Variants in CDKAL1 observed in about 807,000 individuals in gnomAD.
CDKAL1 encodes CDKAL1 threonylcarbamoyladenosine tRNA methylthiotransferase.
CDKAL1 carries 32 observed loss-of-function variants against 68.2 expected under a neutral mutation model. That is an observed-to-expected ratio of 0.47 (90% CI 0.35 to 0.63). The LOEUF (loss-of-function observed/expected upper bound fraction) is 0.63, where lower values mean the gene tolerates loss of function less well. CDKAL1 is among the 30% of genes least tolerant of loss of function. CDKAL1 has a pLI of 0.00. For synonymous variants in CDKAL1, 234 were observed against 244.3 expected, an observed-to-expected ratio of 0.96 and a Z score of 0.39; for missense variants, 606 against 696.7, an observed-to-expected ratio of 0.87 and a Z score of 1.47.
Position 20,795,347 on chromosome 6 carries a change from A to G in CDKAL1, c.638+14082A>G, listed in dbSNP as rs1192566079. Among the ~76,000 whole-genome samples, 3 of 152,196 alleles carry G rather than the reference A, an allele frequency of 2.0e-5. No individual in the cohort carries two copies. In the East Asian group the frequency reaches 5.8e-4, roughly 29 times the overall value. On this transcript the variant is annotated intron_variant, in intron 8 of 15. Coordinates refer to ENST00000274695, the MANE Select transcript of CDKAL1 (RefSeq NM_017774.3). ...AGCCTTTCTCAGTTCATGTTTTCTG[A>G]GAGAATTAAGCCTAAACATATGTGA...
At chr6:21,197,821 A>G (rs887820472) in intron 13 of CDKAL1, among the ~76,000 whole-genome samples, 200 bp from the exon 14 acceptor site, 2 of 152,268 alleles carry the variant, frequency 1.3e-5, no homozygotes, top group Admixed American at 6.5e-5. Context: ...ATGTTGCCAG[A>G]TAATTAATGT....
At chr6:20,642,295 A>C (rs1290537562) in intron 4 of CDKAL1, among the ~76,000 whole-genome samples, 2 of 152,122 alleles carry the variant, frequency 1.3e-5, no homozygotes, top group Non-Finnish European at 2.9e-5. Flanking sequence ...AAGTATGAAG[A>C]AACGATAAAA....
chr6:20,579,818 T>C (rs2127687804), intron 4 of CDKAL1, among the ~76,000 whole-genome samples: 1 of 152,344 alleles, frequency 6.6e-6, no homozygotes, highest in Non-Finnish European at 1.5e-5. Context: ...ATTGACAGTA[T>C]CAAAACAGAT....
intron 12 of CDKAL1, among the ~76,000 whole-genome samples, chr6:21,105,780 C>T (rs796121845): frequency 6.6e-6 from 1 of 152,294 alleles, no homozygotes; most frequent in East Asian, 1.9e-4. Context: ...AAGACAGGGG[C>T]AGTGTTAGGG....
chr6:20,779,083 C>T (rs1375362383), intron 7 of CDKAL1, among the ~76,000 whole-genome samples: 3 of 152,174 alleles, frequency 2.0e-5, no homozygotes, highest in Non-Finnish European at 2.9e-5. Flanking sequence ...ATTCAAACCA[C>T]AGTCATATAC....
intron 5 of CDKAL1, among the ~76,000 whole-genome samples, chr6:20,736,771 CAA>C (rs776775631): frequency 7.1e-6 from 1 of 139,976 alleles, no homozygotes; most frequent in Admixed American, 7.2e-5. Flanking sequence ...GACTCTGCCT[CAA>C]AAAAAAAAAA....
intron 13 of CDKAL1, among the ~76,000 whole-genome samples, chr6:21,172,593 A>G (rs1362924349): frequency 6.6e-6 from 1 of 152,102 alleles, no homozygotes; most frequent in Non-Finnish European, 1.5e-5. Context: ...CTTCTCTACA[A>G]AAAAGATTTT....
chr6:20,834,167 G>A (rs1777836827), intron 8 of CDKAL1, among the ~76,000 whole-genome samples: 1 of 152,182 alleles, frequency 6.6e-6, no homozygotes, highest in Non-Finnish European at 1.5e-5. Context: ...ACAATAGCCA[G>A]AAACCTTGCC....
chr6:21,152,723 A>G (rs1020915846), intron 13 of CDKAL1, among the ~76,000 whole-genome samples: 1 of 152,206 alleles, frequency 6.6e-6, no homozygotes, highest in South Asian at 2.1e-4. Flanking sequence ...CTTTTCTTCT[A>G]TTACTGTGAG....
intron 9 of CDKAL1, among the ~76,000 whole-genome samples, chr6:20,867,702 G>A (rs1482142976): frequency 6.6e-6 from 1 of 152,126 alleles, no homozygotes. Flanking sequence ...CAGAATCATG[G>A]GACTTCATGG....
At chr6:20,982,623 C>A (rs1025159324) in intron 10 of CDKAL1, among the ~76,000 whole-genome samples, 10 of 150,278 alleles carry the variant, frequency 6.7e-5, no homozygotes, top group East Asian at 2.0e-4. Flanking sequence ...AAAAAAAAAA[C>A]CAACTGTGAT....
At chr6:20,637,876 T>C (rs1331184216) in intron 4 of CDKAL1, among the ~76,000 whole-genome samples, 1 of 152,206 alleles carries the variant, frequency 6.6e-6, no homozygotes, top group Non-Finnish European at 1.5e-5. Context: ...CTACTGTATA[T>C]ATTTTTATTG....
intron 6 of CDKAL1, among the ~76,000 whole-genome samples, chr6:20,746,834 G>T (rs1202465530): frequency 6.6e-6 from 1 of 152,070 alleles, no homozygotes; most frequent in East Asian, 1.9e-4. Flanking sequence ...ATCTCCTTCT[G>T]TAGTTACTTT....
At chr6:20,959,049 A>C (rs1764922781) in intron 10 of CDKAL1, among the ~76,000 whole-genome samples, 1 of 152,206 alleles carries the variant, frequency 6.6e-6, no homozygotes, top group South Asian at 2.1e-4. Flanking sequence ...CATTACACTT[A>C]ACACAGGATC....
chr6:21,167,538 T>TAAAC (rs1777201648), intron 13 of CDKAL1, among the ~76,000 whole-genome samples: 1 of 152,224 alleles, frequency 6.6e-6, no homozygotes, highest in African/African-American at 2.4e-5. Flanking sequence ...TAGGACCTAC[T>TAAAC]GTGGTCAAGA....
At chr6:20,611,162 A>T (rs1013991599) in intron 4 of CDKAL1, among the ~76,000 whole-genome samples, 1 of 152,214 alleles carries the variant, frequency 6.6e-6, no homozygotes, top group East Asian at 1.9e-4. Context: ...TCATCTAAAT[A>T]TCAGAAGGAC....
intron 13 of CDKAL1, among the ~76,000 whole-genome samples, chr6:21,121,158 A>G (rs751957158): frequency 2.6e-5 from 4 of 152,180 alleles, no homozygotes; most frequent in Non-Finnish European, 5.9e-5. Context: ...TAGGGAAACA[A>G]AGATAACTTC....
At chr6:20,875,303 C>G (rs1486431151) in intron 9 of CDKAL1, among the ~76,000 whole-genome samples, 24 of 52,984 alleles carry the variant, frequency 4.5e-4, no homozygotes, top group African/African-American at 2.2e-3. Context: ...GAGACTCCGT[C>G]TCAAAAAAAA....
intron 10 of CDKAL1, among the ~76,000 whole-genome samples, chr6:20,978,305 C>T (rs999497619): frequency 1.1e-4 from 16 of 152,066 alleles, no homozygotes; most frequent in African/African-American, 2.4e-4. Context: ...TCACATGTGG[C>T]GGGTGTTTTT....
Sources: allele counts gnomAD v4.1 joint callset (sites outside exome capture counted in the v4.1 genomes callset), GRCh38; gene constraint gnomAD v4.1.1; transcripts MANE v1.5; gene names NCBI Gene and HGNC (gene_info 2026-07-23, HGNC 2026-07-21).